JAK2: variants seen among roughly 807,000 people sequenced by gnomAD.
JAK2 encodes the protein tyrosine-protein kinase JAK2.
A neutral mutation model predicts 139.3 loss-of-function variants in JAK2; 86 were observed. That is an observed-to-expected ratio of 0.62 (90% CI 0.52 to 0.74). JAK2 has a LOEUF of 0.74. Ranked by LOEUF, JAK2 falls within the 30% of genes least tolerant of loss-of-function variation. The pLI, the probability that JAK2 is intolerant of heterozygous loss-of-function variation, is 0.00. For missense variants in JAK2, 1,421 were observed against 1,360.3 expected (o/e 1.04, Z -0.70); for synonymous variants, 490 against 437.7 (o/e 1.12, Z -1.49).
At chr9:5,016,215 C>G (rs1231799634) in intron 2 of JAK2, among the ~76,000 whole-genome samples, 2 of 152,184 alleles carry the variant, frequency 1.3e-5, no homozygotes, top group African/African-American at 4.8e-5. Context: ...TTAGGAACTT[C>G]AGGATGAAGT....
intron 22 of JAK2, chr9:5,112,765 G>A (rs1004179538): frequency 1.5e-5 from 9 of 620,340 alleles, no homozygotes; most frequent in South Asian, 4.6e-5. Context: ...AGAAGGTGTC[G>A]CGCGTGTTCG....
rs1428345071 is a variant in JAK2 at position 5,080,518 on chromosome 9, G to C, written c.2284-15G>C. On this transcript the variant is annotated splice_polypyrimidine_tract_variant and intron_variant, in intron 17 of 24. Coordinates refer to ENST00000381652, the MANE Select transcript of JAK2 (RefSeq NM_004972.4). Reference sequence around the variant, plus strand: ...TTACACAATTTATTCTCAGTTTGTGGTTCTTTAATTATAGAAGCTACAATT... The same window carrying C: ...TTACACAATTTATTCTCAGTTTGTGCTTCTTTAATTATAGAAGCTACAATT... 6.4e-7 allele frequency: 1 copy of C among 1,572,000 alleles called. No individual in the cohort carries two copies. Among genetic ancestry groups the C allele is most frequent in the East Asian group, 2.2e-5 (1 of 44,458 alleles).
Position 5,054,980 on chromosome 9 carries a change from T to G in JAK2, c.936+96T>G. On this transcript the variant is annotated intron_variant, in intron 7 of 24. Transcript: ENST00000381652. The surrounding 1 kb of genome is among the most constrained non-coding windows in gnomAD (Gnocchi z 4.9). ...AATCATTTGCAACATGGTATTGCAC[T>G]TCTCCCATTTGATAGAAGTGGAAGT... The G allele has an allele frequency of 1.2e-6, 1 of 846,116 alleles. No individual in the cohort carries two copies. The highest frequency in any genetic ancestry group is 2.1e-5 in the South Asian group (1 of 46,860). The allele number at this position is 846,116 out of a possible 1,614,324, so 52.4% of individuals were successfully genotyped here.
At chr9:5,053,890 A>T (rs1409228264) in intron 6 of JAK2, among the ~76,000 whole-genome samples, 2 of 152,072 alleles carry the variant, frequency 1.3e-5, no homozygotes, top group African/African-American at 4.8e-5. Flanking sequence ...TGGAAGAAAG[A>T]TTAGCATATA....
intron 2 of JAK2, among the ~76,000 whole-genome samples, chr9:5,015,304 C>T (rs1821970077): frequency 6.6e-6 from 1 of 152,166 alleles, no homozygotes; most frequent in Non-Finnish European, 1.5e-5. Context: ...TAGCAGTTCT[C>T]AGAACGTGGT....
At chr9:5,044,871 TA>T (rs1263256588) in intron 5 of JAK2, among the ~76,000 whole-genome samples, 1 of 152,180 alleles carries the variant, frequency 6.6e-6, no homozygotes, top group Admixed American at 6.5e-5. Flanking sequence ...TTATGGTTTT[TA>T]AAAAAATTTT....
chr9:5,006,291 T>C (rs1465413887), intron 2 of JAK2, among the ~76,000 whole-genome samples: 2 of 152,232 alleles, frequency 1.3e-5, no homozygotes, highest in Non-Finnish European at 2.9e-5. Context: ...TTTGGCTCTC[T>C]GTGTGTTATT....
At chr9:5,114,037 TG>T in intron 22 of JAK2, 1 of 320,226 alleles carries the variant, frequency 3.1e-6, no homozygotes, top group Non-Finnish European at 6.2e-6. Flanking sequence ...TCTCCCATAC[TG>T]GAGGATGAGC....
rs374781769 is a variant in JAK2 at position 4,998,541 on chromosome 9, C to T, written c.-26+12519C>T. On this transcript the variant is annotated intron_variant, in intron 2 of 24. Coordinates refer to ENST00000381652, the MANE Select transcript of JAK2 (RefSeq NM_004972.4). ...AAGTGCTGGGATTACAGGCATGAGC[C>T]ACCATGCCCGGCCAAAAACTCCAAC... Among the ~76,000 whole-genome samples, 572 of 152,212 alleles carry T rather than the reference C, an allele frequency of 3.8e-3. 4 individuals are homozygous for T. Among genetic ancestry groups the T allele is most frequent in the African/African-American group, 0.013 (544 of 41,514 alleles).
intron 5 of JAK2, among the ~76,000 whole-genome samples, chr9:5,047,262 A>G (rs1209960677): frequency 6.6e-6 from 1 of 152,240 alleles, no homozygotes; most frequent in African/African-American, 2.4e-5. Flanking sequence ...AGAGTGTAAG[A>G]ATATCTTGAC....
intron 22 of JAK2, among the ~76,000 whole-genome samples, chr9:5,104,945 CAATATCATACTG>C (rs1265146052): frequency 6.6e-6 from 1 of 152,208 alleles, no homozygotes; most frequent in Non-Finnish European, 1.5e-5. Flanking sequence ...AACTCACAGC[CAATATCATACTG>C]AATGGGCAAA....
intron 4 of JAK2, chr9:5,041,543 C>G (rs1036279588): frequency 5.6e-6 from 3 of 535,200 alleles, no homozygotes; most frequent in Non-Finnish European, 7.5e-6. Context: ...TCTGCGAGAA[C>G]TTCCCAGAGG....
At chr9:5,095,113 T>A (rs899601006) in intron 22 of JAK2, 1 of 152,136 alleles carries the variant, frequency 6.6e-6, no homozygotes, top group African/African-American at 2.4e-5. Flanking sequence ...AACCTATCCC[T>A]GAGACTCCAA....
intron 4 of JAK2, among the ~76,000 whole-genome samples, chr9:5,037,711 T>TG (rs1479234929): frequency 6.6e-6 from 1 of 151,596 alleles, no homozygotes; most frequent in East Asian, 1.9e-4. Flanking sequence ...TGTTCTGGGG[T>TG]GGGGGGATGG....
chr9:5,111,120 C>T (rs1822474078), intron 22 of JAK2: 2 of 1,200,922 alleles, frequency 1.7e-6, no homozygotes, highest in South Asian at 2.6e-5. Context: ...CCTCCTTTGA[C>T]CCCAGCTGGA....
At chr9:5,078,231 TG>T in intron 15 of JAK2, 74 bp from the exon 16 acceptor site, 1 of 1,214,992 alleles carries the variant, frequency 8.2e-7, no homozygotes, top group Non-Finnish European at 1.2e-6. Flanking sequence ...AAATCTGTTT[TG>T]GGGGCTTGAA....
At chr9:5,040,747 A>T (rs1473132189) in intron 4 of JAK2, among the ~76,000 whole-genome samples, 1 of 152,242 alleles carries the variant, frequency 6.6e-6, no homozygotes, top group Non-Finnish European at 1.5e-5. Context: ...GGCGTCCGGG[A>T]CCGTGGTGTG....
intron 8 of JAK2, 75 bp downstream of exon 8, chr9:5,055,863 C>A: frequency 3.8e-6 from 5 of 1,321,048 alleles, no homozygotes; most frequent in Non-Finnish European, 5.2e-6. Flanking sequence ...ATCTTAGTAC[C>A]AAAATTATTT....
At chr9:5,076,087 G>A (rs754802454) in intron 14 of JAK2, among the ~76,000 whole-genome samples, 1 of 152,172 alleles carries the variant, frequency 6.6e-6, no homozygotes, top group Non-Finnish European at 1.5e-5. Context: ...ACAATCTCAC[G>A]ATAAGCCCTG....
Sources: gnomAD v4.1 joint callset for allele counts (sites outside exome capture counted in the v4.1 genomes callset) on GRCh38, gnomAD v4.1.1 for gene constraint, Gnocchi (gnomAD v3.1) non-coding constraint, MANE v1.5 for transcripts, NCBI Gene and HGNC (gene_info 2026-07-23, HGNC 2026-07-21) for gene names.